Variants in TOX observed in about 807,000 individuals in gnomAD.
TOX encodes thymocyte selection associated high mobility group box.
A neutral mutation model predicts 53.7 loss-of-function variants in TOX; 11 were observed. The ratio of observed to expected loss-of-function variants is 0.20; its 90% CI spans 0.13 to 0.34. The LOEUF (loss-of-function observed/expected upper bound fraction) is 0.34. Ranked by LOEUF, TOX falls within the 10% of genes least tolerant of loss-of-function variation. The pLI is 1.00. For missense variants in TOX, 570 were observed against 664.6 expected (o/e 0.86, Z 1.56); for synonymous variants, 225 against 245.3 (o/e 0.92, Z 0.77).
In TOX at chr8:58,986,878, A is replaced by C. The variant is rs1342287295; in HGVS notation, c.103-26870T>G. On this transcript the variant is annotated intron_variant, in intron 1 of 8. Transcript: ENST00000361421. ...AGGGCTGAATAAGAAAAAAGAGAGA[A>C]GCAAGCTTCCTGCAGCCTTTGGGCT... 2.0e-5 allele frequency among the ~76,000 whole-genome samples: 3 copies of C among 152,230 alleles called. No homozygotes were observed. The East Asian group carries it at 5.8e-4, about 29-fold the overall frequency.
chr8:59,037,899 G>C (rs1228922506), intron 1 of TOX, among the ~76,000 whole-genome samples: 2 of 151,544 alleles, frequency 1.3e-5, no homozygotes, highest in African/African-American at 4.9e-5. Context: ...AACATCAAAT[G>C]TGTGTGTTCA....
chr8:59,070,874 A>G (rs536317388), intron 1 of TOX, among the ~76,000 whole-genome samples: 5 of 152,212 alleles, frequency 3.3e-5, no homozygotes, highest in Admixed American at 6.5e-5. Flanking sequence ...AGGTGGCTGA[A>G]GCTGTCACAT....
At chr8:58,891,116 G>A (rs1326939657) in intron 3 of TOX, among the ~76,000 whole-genome samples, 1 of 152,096 alleles carries the variant, frequency 6.6e-6, no homozygotes, top group African/African-American at 2.4e-5. Context: ...GAAGTATGGG[G>A]TGATAAAGAG....
intron 3 of TOX, among the ~76,000 whole-genome samples, chr8:58,899,108 T>C (rs1811694541): frequency 6.6e-6 from 1 of 152,024 alleles, no homozygotes; most frequent in African/African-American, 2.4e-5. Context: ...TAGGACAGAG[T>C]GGTTGTAAAA....
intron 3 of TOX, among the ~76,000 whole-genome samples, chr8:58,913,601 G>A (rs1354686861): frequency 6.6e-6 from 1 of 151,792 alleles, no homozygotes; most frequent in Admixed American, 6.6e-5. Context: ...TCTAACAATT[G>A]CTTTAGTTTG....
intron 3 of TOX, among the ~76,000 whole-genome samples, chr8:58,874,234 A>G (rs564286792): frequency 6.8e-5 from 10 of 146,978 alleles, no homozygotes; most frequent in Non-Finnish European, 5.9e-5. Context: ...AGATTTTTTT[A>G]AAAAAAACTT....
At chr8:58,980,580 TTGAC>T (rs913613085) in intron 1 of TOX, among the ~76,000 whole-genome samples, 1 of 152,226 alleles carries the variant, frequency 6.6e-6, no homozygotes, top group Non-Finnish European at 1.5e-5. Flanking sequence ...TATTCATTGA[TTGAC>T]TAATTAATTC....
intron 1 of TOX, among the ~76,000 whole-genome samples, chr8:59,054,396 G>C (rs1803847805): frequency 6.6e-6 from 1 of 152,074 alleles, no homozygotes; most frequent in Admixed American, 6.5e-5. Context: ...CCAAATGTCC[G>C]AGATCAGGAA....
intron 3 of TOX, among the ~76,000 whole-genome samples, chr8:58,934,243 T>C (rs1230427139): frequency 1.3e-5 from 2 of 152,094 alleles, no homozygotes; most frequent in African/African-American, 4.8e-5. Flanking sequence ...TGCCAGAAAT[T>C]TAACTAGTTG....
At chr8:59,091,865 TG>T (rs1160605469) in intron 1 of TOX, among the ~76,000 whole-genome samples, 1 of 152,172 alleles carries the variant, frequency 6.6e-6, no homozygotes, top group Non-Finnish European at 1.5e-5. Flanking sequence ...TCTAGATCAA[TG>T]GTTTTCAAAC....
At chr8:59,116,397 T>C (rs1805098976) in intron 1 of TOX, among the ~76,000 whole-genome samples, 1 of 152,242 alleles carries the variant, frequency 6.6e-6, no homozygotes, top group South Asian at 2.1e-4. Flanking sequence ...CTTCACCTTT[T>C]CCAAACTTCT....
At chr8:58,978,667 A>G (rs535142507) in intron 1 of TOX, among the ~76,000 whole-genome samples, 1 of 152,264 alleles carries the variant, frequency 6.6e-6, no homozygotes, top group African/African-American at 2.4e-5. Flanking sequence ...CTATCTCCAC[A>G]CACACTACCT....
At chr8:58,824,428 C>A (rs2129165605) in intron 6 of TOX, among the ~76,000 whole-genome samples, 1 of 152,306 alleles carries the variant, frequency 6.6e-6, no homozygotes, top group Admixed American at 6.5e-5. Context: ...TCCTGCCCAT[C>A]TTTCCAACTT....
chr8:58,820,721 T>C (rs568090523), intron 6 of TOX, among the ~76,000 whole-genome samples: 4 of 152,334 alleles, frequency 2.6e-5, no homozygotes, highest in Admixed American at 6.5e-5. Context: ...ATGTGGCTCA[T>C]AAACTTTTCC....
intron 1 of TOX, among the ~76,000 whole-genome samples, chr8:59,077,726 T>C (rs1804316700): frequency 6.6e-6 from 1 of 152,234 alleles, no homozygotes; most frequent in Admixed American, 6.5e-5. Flanking sequence ...TGGTTGATAC[T>C]GAATGAAGTT....
intron 1 of TOX, among the ~76,000 whole-genome samples, chr8:59,061,547 G>A (rs2129421970): frequency 6.6e-6 from 1 of 152,096 alleles, no homozygotes; most frequent in Admixed American, 6.5e-5. Flanking sequence ...ATGTTTATCT[G>A]GTAAAAATCC....
intron 1 of TOX, among the ~76,000 whole-genome samples, chr8:58,987,179 T>C (rs1344755840): frequency 1.3e-5 from 2 of 152,166 alleles, no homozygotes; most frequent in Non-Finnish European, 2.9e-5. Context: ...TAAATTTGCA[T>C]AACGACACGA....
chr8:59,036,384 C>T (rs555775653), intron 1 of TOX, among the ~76,000 whole-genome samples: 13 of 152,316 alleles, frequency 8.5e-5, no homozygotes, highest in African/African-American at 3.1e-4. Flanking sequence ...ACTCTGGCCT[C>T]TCATCCCTGC....
At chr8:58,834,554 G>A (rs889210727) in intron 5 of TOX, among the ~76,000 whole-genome samples, 1 of 152,190 alleles carries the variant, frequency 6.6e-6, no homozygotes, top group Non-Finnish European at 1.5e-5. Flanking sequence ...AACATAAAGG[G>A]AGAGAACAGG....
Sources: allele counts gnomAD v4.1 joint callset (sites outside exome capture counted in the v4.1 genomes callset), GRCh38; gene constraint gnomAD v4.1.1; transcripts MANE v1.5; gene names NCBI Gene and HGNC (gene_info 2026-07-23, HGNC 2026-07-21).